SEMA5A: variants seen among roughly 807,000 people sequenced by gnomAD.
SEMA5A encodes the protein semaphorin-5A.
Under a neutral mutation model 135.5 loss-of-function variants are expected in SEMA5A, and 55 were observed. The ratio of observed to expected loss-of-function variants is 0.41; its 90% CI spans 0.33 to 0.51. The LOEUF is 0.51. SEMA5A is among the 20% of genes least tolerant of loss of function. SEMA5A has a pLI of 0.37. For missense variants in SEMA5A, 1,290 were observed against 1,419.9 expected (o/e 0.91, Z 1.47); for synonymous variants, 580 against 546.5 (o/e 1.06, Z -0.85).
chr5:9,420,884 C>T (rs999531762), intron 2 of SEMA5A, among the ~76,000 whole-genome samples: 4 of 152,284 alleles, frequency 2.6e-5, no homozygotes, highest in Non-Finnish European at 2.9e-5. Flanking sequence ...GGCATGGTGG[C>T]GTGCACCTGT....
chr5:9,164,989 G>C (rs902687789), intron 11 of SEMA5A, among the ~76,000 whole-genome samples: 2 of 152,158 alleles, frequency 1.3e-5, no homozygotes, highest in Non-Finnish European at 2.9e-5. Context: ...CCATACTTGT[G>C]TATGATTAGA....
At chr5:9,408,576 C>A (rs147276555) in intron 2 of SEMA5A, among the ~76,000 whole-genome samples, 1 of 152,202 alleles carries the variant, frequency 6.6e-6, no homozygotes, top group South Asian at 2.1e-4. Flanking sequence ...ACTCCTACAT[C>A]GTGCTTAGTA....
chr5:9,256,503 G>C (rs1049691483), intron 5 of SEMA5A, among the ~76,000 whole-genome samples: 1 of 152,146 alleles, frequency 6.6e-6, no homozygotes, highest in Non-Finnish European at 1.5e-5. Context: ...CACTCTATAA[G>C]AGTAGACCAT....
At chr5:9,136,449 G>A in intron 13 of SEMA5A, 55 bp downstream of exon 13, 2 of 1,447,282 alleles carry the variant, frequency 1.4e-6, no homozygotes, top group Non-Finnish European at 1.9e-6. Context: ...GATCGCCAGG[G>A]GAGCATGGCT....
At chr5:9,371,392 G>A (rs1755129188) in intron 3 of SEMA5A, among the ~76,000 whole-genome samples, 1 of 152,158 alleles carries the variant, frequency 6.6e-6, no homozygotes, top group African/African-American at 2.4e-5. Flanking sequence ...TCCAGTCTAA[G>A]TATTAGAACC....
chr5:9,333,494 C>G (rs899881850), intron 4 of SEMA5A, among the ~76,000 whole-genome samples: 1 of 152,178 alleles, frequency 6.6e-6, no homozygotes, highest in Admixed American at 6.5e-5. Context: ...ACACTAAAGA[C>G]GAACTAATTC....
intron 5 of SEMA5A, among the ~76,000 whole-genome samples, chr5:9,256,645 TATA>T (rs1749085371): frequency 6.6e-6 from 1 of 152,340 alleles, no homozygotes; most frequent in East Asian, 1.9e-4. Context: ...CTCCTCCAAC[TATA>T]ATAACACTGT....
intron 16 of SEMA5A, among the ~76,000 whole-genome samples, chr5:9,091,750 TA>T (rs1561143582): frequency 1.3e-5 from 2 of 152,098 alleles, no homozygotes; most frequent in Non-Finnish European, 2.9e-5. Context: ...CTCAGGACCA[TA>T]AGCAAGCCAC....
chr5:9,080,135 C>G (rs146722328), intron 16 of SEMA5A, among the ~76,000 whole-genome samples: 1,978 of 152,200 alleles, frequency 0.013, 17 homozygotes, highest in South Asian at 0.021. Context: ...TAGCAAAGAC[C>G]TGGAAACAAC....
At chr5:9,207,818 C>A (rs991045853) in intron 8 of SEMA5A, among the ~76,000 whole-genome samples, 2 of 151,984 alleles carry the variant, frequency 1.3e-5, no homozygotes, top group East Asian at 1.9e-4. Context: ...GGCTAAAGTT[C>A]TTTTCCTGAG....
chr5:9,087,550 TTTTATA>T (rs1738766790), intron 16 of SEMA5A, among the ~76,000 whole-genome samples: 1 of 151,242 alleles, frequency 6.6e-6, no homozygotes, highest in Admixed American at 6.6e-5. Flanking sequence ...TATTTATTTA[TTTTATA>T]TTTATATTTA....
In SEMA5A at chr5:9,108,088, CTG is replaced by C. The variant is rs1740018975; in HGVS notation, c.2073+50_2073+51del. ...GCAGAGAATTTTGTGTGTATTGAGTCTGTATTCCTGGTTCTGGATTGTGGGCT... is the reference window on the plus strand; with the variant it reads ...GCAGAGAATTTTGTGTGTATTGAGTCTATTCCTGGTTCTGGATTGTGGGCT... On this transcript the variant is annotated intron_variant, in intron 16 of 22. Coordinates refer to ENST00000382496, the MANE Select transcript of SEMA5A (RefSeq NM_003966.3). The C allele has an allele frequency of 6.9e-6, 11 of 1,587,338 alleles. No homozygotes were observed. The East Asian group carries it at 2.5e-4, about 36-fold the overall frequency.
intron 5 of SEMA5A, among the ~76,000 whole-genome samples, chr5:9,305,728 T>TGTATATATATATATA (rs1287444762): frequency 2.1e-5 from 2 of 95,000 alleles, no homozygotes; most frequent in African/African-American, 7.9e-5. Context: ...ATATATATAT[T>TGTATATATATATATA]TACACGCACA....
intron 16 of SEMA5A, among the ~76,000 whole-genome samples, chr5:9,069,544 G>C (rs1737660675): frequency 6.6e-6 from 1 of 151,966 alleles, no homozygotes; most frequent in African/African-American, 2.4e-5. Context: ...ATTTTGTACT[G>C]TTTTAAATAC....
chr5:9,108,068 G>T (rs906506723), intron 16 of SEMA5A, 72 bp downstream of exon 16: 179 of 1,539,770 alleles, frequency 1.2e-4, no homozygotes, highest in Non-Finnish European at 1.6e-5. Context: ...TGTGTGCAGA[G>T]AATTTTGTGT....
intron 19 of SEMA5A, 129 bp from the exon 20 acceptor site, chr5:9,052,157 G>C (rs2150044471): frequency 9.9e-7 from 1 of 1,008,404 alleles, no homozygotes; most frequent in Middle Eastern, 3.3e-4. Flanking sequence ...ATGGTTCTGT[G>C]CATCAGTAAG....
intron 3 of SEMA5A, among the ~76,000 whole-genome samples, chr5:9,346,966 CACTT>C (rs1396339988): frequency 6.6e-5 from 10 of 151,628 alleles, no homozygotes; most frequent in African/African-American, 1.5e-4. Flanking sequence ...ATATTATAGA[CACTT>C]AATAGACTAC....
At chr5:9,205,640 G>C (rs957742389) in intron 8 of SEMA5A, among the ~76,000 whole-genome samples, 2 of 152,142 alleles carry the variant, frequency 1.3e-5, no homozygotes, top group African/African-American at 4.8e-5. Context: ...GTCCATTTTA[G>C]ATAGAAATGC....
chr5:9,237,380 G>A (rs1270301250), intron 6 of SEMA5A, among the ~76,000 whole-genome samples: 1 of 152,138 alleles, frequency 6.6e-6, no homozygotes, highest in Non-Finnish European at 1.5e-5. Context: ...ATTTTCGTAT[G>A]AAAAGAGAGT....
Sources: allele counts gnomAD v4.1 joint callset (sites outside exome capture counted in the v4.1 genomes callset), GRCh38; gene constraint gnomAD v4.1.1; transcripts MANE v1.5; gene names NCBI Gene and HGNC (gene_info 2026-07-23, HGNC 2026-07-21).